MUC5AC: variants seen among roughly 807,000 people sequenced by gnomAD.
MUC5AC encodes the protein mucin 5AC, oligomeric mucus/gel-forming, also known as mucin-5AC.
A neutral mutation model predicts 169.7 loss-of-function variants in MUC5AC; 158 were observed. The ratio of observed to expected loss-of-function variants is 0.93; its 90% confidence interval spans 0.82 to 1.06. The LOEUF is 1.06. Among genes scored for constraint, MUC5AC ranks in the 50% least tolerant of loss-of-function variants. The pLI is 0.00. For synonymous variants in MUC5AC, 1,975 were observed against 1,237.0 expected, an observed-to-expected ratio of 1.60 and a Z score of -12.52; for missense variants, 4,359 against 3,089.9, an observed-to-expected ratio of 1.41 and a Z score of -9.74.
chr11:1,163,438 C>T (rs891312188), intron 6 of MUC5AC, among the ~76,000 whole-genome samples: 1 of 152,182 alleles, frequency 6.6e-6, no homozygotes. Flanking sequence ...CCCATGAAGC[C>T]CCATACAAGC....
rs1161673746 is a variant in MUC5AC at position 1,186,721 on chromosome 11, G to C, written c.8576G>C (p.Arg2859Thr). The change falls in exon 31 of 49, where the codon AGA becomes ACA. Residue 2859 changes from arginine (R) to threonine (T), a missense_variant. Coordinates refer to ENST00000621226, the MANE Select transcript of MUC5AC (RefSeq NM_001304359.2). ...TTSTTSAPTTRTTSVPTSSTT... is the reference protein window; with the variant it reads ...TTSTTSAPTTTTTSVPTSSTT... ...AGCACAACCTCTGCCCCTACAACCA[G>C]AACAACCTCTGTCCCTACAAGCAGC... 1.3e-4 allele frequency: 94 copies of C among 730,414 alleles called. 4 individuals carry two copies. In the African/African-American group the frequency reaches 1.3e-3, roughly 10 times the overall value. The allele number at this position is 730,414 out of a possible 1,614,324, so 45.2% of individuals were successfully genotyped here.
Position 1,161,518 on chromosome 11 carries a change from T to C in MUC5AC, c.152-9T>C. 6.3e-6 allele frequency: 10 copies of C among 1,588,412 alleles called. No homozygotes were observed. The highest frequency in any genetic ancestry group is 2.7e-5 in the African/African-American group (2 of 74,322). On this transcript the variant is annotated splice_polypyrimidine_tract_variant and intron_variant, in intron 2 of 48. Transcript: ENST00000621226. ...CGTGCGTGAATCCTACCAGCCCCTG[T>C]CTCCGCAGGGGTCCCGCTCCGTGGG...
intron 43 of MUC5AC, 25 bp from the exon 44 acceptor site, chr11:1,198,849 T>C (rs1239976597): frequency 2.8e-6 from 2 of 713,986 alleles, no homozygotes; most frequent in Admixed American, 1.9e-5. Flanking sequence ...AGCTCATGAG[T>C]GTCTGCTGCC....
Position 1,190,654 on chromosome 11 carries a change from A to G in MUC5AC, c.12509A>G (p.Asn4170Ser). The G allele has an allele frequency of 1.6e-6, 1 of 606,496 alleles. No homozygotes were observed. The highest frequency in any genetic ancestry group is 2.9e-6 in the Non-Finnish European group (1 of 339,970). 37.6% of individuals were successfully genotyped at this position (606,496 alleles called of 1,614,324 possible). The change falls in exon 31 of 49, where the codon AAC becomes AGC. Residue 4170 changes from asparagine to serine, a missense_variant. Asn to Ser is a conservative substitution (Grantham distance 46). Transcript: ENST00000621226. The stretch of plus-strand genomic sequence containing the variant: ...ACCTCTGCTCCAACAACCAGCACAA[A>G]CTCTGCTCCTACAACCAGCACAATC... ...STTSAPTTST[N>S]SAPTTSTISA...
At chr11:1,163,818 C>T in intron 6 of MUC5AC, 64 bp from the exon 7 acceptor site, 1 of 1,341,340 alleles carries the variant, frequency 7.5e-7, no homozygotes, top group South Asian at 1.2e-5. Context: ...GGCTCTGCTG[C>T]TCGGGTGCTG....
Position 1,162,298 on chromosome 11 carries a change from T to C in MUC5AC, c.473+130T>C, listed in dbSNP as rs916909227. 4.2e-5 allele frequency: 59 copies of C among 1,398,310 alleles called. No homozygotes were observed. In the Admixed American group the frequency reaches 9.8e-4, roughly 23 times the overall value. 86.6% of individuals were successfully genotyped at this position (1,398,310 alleles called of 1,614,324 possible). On this transcript the variant is annotated intron_variant, in intron 4 of 48. Coordinates refer to ENST00000621226, the MANE Select transcript of MUC5AC (RefSeq NM_001304359.2). ...AAGCCCCTGAGAGCAGAGCTGGACATGGGCCCTCCCTCGTCCCCCGAGTGG... is the reference window on the plus strand; with the variant it reads ...AAGCCCCTGAGAGCAGAGCTGGACACGGGCCCTCCCTCGTCCCCCGAGTGG...
intron 15 of MUC5AC, among the ~76,000 whole-genome samples, chr11:1,171,850 C>T: frequency 6.7e-6 from 1 of 148,428 alleles, no homozygotes; most frequent in African/African-American, 2.5e-5. Context: ...CACTCACCCA[C>T]TCACCCATTC....
intron 45 of MUC5AC, 28 bp from the exon 46 acceptor site, chr11:1,199,343 C>G (rs767594719): frequency 2.8e-6 from 2 of 703,268 alleles, no homozygotes; most frequent in Non-Finnish European, 5.2e-6. Flanking sequence ...GGGAGGGTCA[C>G]TCACCCCGGG....
At chr11:1,163,260 C>T (rs1244514761) in intron 6 of MUC5AC, among the ~76,000 whole-genome samples, 2 of 152,256 alleles carry the variant, frequency 1.3e-5, no homozygotes, top group Non-Finnish European at 2.9e-5. Context: ...GCCCATTGGG[C>T]CCCTTGCTCT....
In MUC5AC at chr11:1,182,180, C is replaced by A. The variant is rs1237084917; in HGVS notation, c.4035C>A (p.Ser1345Arg). The A allele has an allele frequency of 5.0e-6, 2 of 398,728 alleles. No homozygotes were observed. Among genetic ancestry groups the A allele is most frequent in the Non-Finnish European group, 8.8e-6 (2 of 226,136 alleles). The allele number at this position is 398,728 out of a possible 1,614,324, so 24.7% of individuals were successfully genotyped here. A position where few individuals can be genotyped will look rare whatever the true frequency, so the allele number is the denominator to read the frequency against. Residue 1345 changes from serine (S) to arginine (R), a missense_variant, in exon 31 of 49, where the codon AGC becomes AGA. Coordinates refer to ENST00000621226, the MANE Select transcript of MUC5AC (RefSeq NM_001304359.2). ...PLVVSSTHTP[S>R]NGPSSAHTGP... ...TCGTGAGCTCCACGCACACCCCCAG[C>A]AATGGCCCAAGCAGCGCGCACACAG...
At chr11:1,175,744 T>A (rs1186004029) in intron 19 of MUC5AC, among the ~76,000 whole-genome samples, 3 of 63,934 alleles carry the variant, frequency 4.7e-5, no homozygotes, top group African/African-American at 1.8e-4. Context: ...ACACACACCG[T>A]CATGCACCCA....
intron 24 of MUC5AC, among the ~76,000 whole-genome samples, 196 bp downstream of exon 24, chr11:1,177,829 T>A (rs1860724046): frequency 6.6e-6 from 1 of 152,196 alleles, no homozygotes; most frequent in Non-Finnish European, 1.5e-5. Flanking sequence ...GTCAGTGTTC[T>A]GGGGCTAGAG....
chr11:1,193,819 C>T (rs1006255729), intron 33 of MUC5AC, among the ~76,000 whole-genome samples, 160 bp downstream of exon 33: 2 of 152,210 alleles, frequency 1.3e-5, no homozygotes, highest in African/African-American at 4.8e-5. Context: ...CGCATGGGGC[C>T]GAGCCTCCCC....
Position 1,164,337 on chromosome 11 carries a change from C to G in MUC5AC, c.1003+18C>G. On this transcript the variant is annotated intron_variant, in intron 8 of 48. Transcript: ENST00000621226. ...CTTCTGCCGTGAGTGTCCCAGCCCC[C>G]TGTCCCCCAACCCCTTTGGCAGGGA... 2.5e-6 allele frequency: 4 copies of G among 1,611,986 alleles called. No individual in the cohort carries two copies. Among genetic ancestry groups the G allele is most frequent in the Non-Finnish European group, 3.4e-6 (4 of 1,179,778 alleles).
In MUC5AC at chr11:1,185,618, T is replaced by A. The variant is rs1860920856; in HGVS notation, c.7473T>A (p.Thr2491=). The change falls in exon 31 of 49, where the codon ACT becomes ACA. Residue 2491 remains threonine, a synonymous_variant. Transcript: ENST00000621226. ...TTSTTSGPET[T]PRPVPTTSTT... is the part of the protein sequence containing the mutation. ...GCACAACCTCTGGTCCTGAAACTAC[T>A]CCTAGACCTGTTCCTACCACCAGCA... 1 of 724,950 alleles carries A rather than the reference T, an allele frequency of 1.4e-6. No homozygotes were observed. Among genetic ancestry groups the A allele is most frequent in the Non-Finnish European group, 2.5e-6 (1 of 399,928 alleles). The allele number at this position is 724,950 out of a possible 1,614,324, so 44.9% of individuals were successfully genotyped here. A position where few individuals can be genotyped will look rare whatever the true frequency, so the allele number is the denominator to read the frequency against.
rs370717923 is a variant in MUC5AC at position 1,163,013 on chromosome 11, G to A, written c.647G>A (p.Gly216Glu). Residue 216 changes from glycine to glutamate, a missense_variant, in exon 6 of 49, where the codon GGG becomes GAG. By Grantham distance (98) the Gly-to-Glu change is moderately conservative (BLOSUM62 -2). Coordinates refer to ENST00000621226, the MANE Select transcript of MUC5AC (RefSeq NM_001304359.2). ...TGTGGGCTCTGTGGGGACTTCAACG[G>A]GATGCCCGTGGTCAGCGAGCTCCTC... is the stretch of plus-strand genomic sequence containing the variant. The part of the protein sequence containing the change: ...KTCGLCGDFN[G>E]MPVVSELLSH... 4.3e-6 allele frequency: 7 copies of A among 1,612,510 alleles called. No homozygotes were observed. Among genetic ancestry groups the A allele is most frequent in the South Asian group, 3.3e-5 (3 of 91,086 alleles).
At position 1,193,508 on chromosome 11, in the gene MUC5AC, CA is replaced by C. The variant is rs1861177192; in HGVS notation, c.14606del (p.Asn4869ThrfsTer35). 1.3e-6 allele frequency: 1 copy of C among 751,146 alleles called. No homozygotes were observed. Among genetic ancestry groups the C allele is most frequent in the Non-Finnish European group, 2.4e-6 (1 of 411,698 alleles). The allele number at this position is 751,146 out of a possible 1,614,324, so 46.5% of individuals were successfully genotyped here. ...RKKGETWATP[N>X]CSEATCEGNN... ...AGAAAGGTGAGACCTGGGCCACACC[CA>C]ACTGCTCCGAGGCCACCTGTGAGGG... On this transcript the variant is annotated frameshift_variant, in exon 33 of 49. Transcript: ENST00000621226. LOFTEE classifies it high-confidence loss of function.
chr11:1,168,424 G>A (rs753404604), intron 12 of MUC5AC, 59 bp from the exon 13 acceptor site: 110 of 1,537,142 alleles, frequency 7.2e-5, no homozygotes, highest in South Asian at 3.0e-4. Flanking sequence ...CACAGCCTCC[G>A]CGGGGCTGAG....
chr11:1,200,591 G>C lies in MUC5AC; in HGVS notation c.16854G>C (p.Arg5618=), dbSNP rs1132440. 0.57 allele frequency: 435,609 copies of C among 764,098 alleles called. 126,999 individuals carry two copies. The highest frequency in any genetic ancestry group is 0.66 in the East Asian group (27,045 of 41,208). The allele number at this position is 764,098 out of a possible 1,614,324, so 47.3% of individuals were successfully genotyped here. Residue 5618 remains arginine (R), a synonymous_variant, in exon 49 of 49, where the codon CGG becomes CGC. Coordinates refer to ENST00000621226, the MANE Select transcript of MUC5AC (RefSeq NM_001304359.2). Reference sequence around the variant, plus strand: ...AAGAGTGCGGCTGCATGGGCCGGCGGTGCCCTGCGCCGGGCGACACCCAGC... The same window carrying C: ...AAGAGTGCGGCTGCATGGGCCGGCGCTGCCCTGCGCCGGGCGACACCCAGC... ...EVEECGCMGR[R]CPAPGDTQHS...
Sources: allele counts gnomAD v4.1 joint callset (sites outside exome capture counted in the v4.1 genomes callset), GRCh38; gene constraint gnomAD v4.1.1; transcripts MANE v1.5; gene names NCBI Gene and HGNC (gene_info 2026-07-23, HGNC 2026-07-21).